TDRD3: variants seen among roughly 807,000 people sequenced by gnomAD.
TDRD3 encodes tudor domain-containing protein 3.
In TDRD3, 45 loss-of-function variants were observed where a neutral mutation model predicts 86.7. That is an observed-to-expected ratio of 0.52 (90% CI 0.41 to 0.67). TDRD3 has a LOEUF of 0.67. Ranked by LOEUF, TDRD3 falls within the 30% of genes least tolerant of loss-of-function variation. The pLI, the probability that TDRD3 is intolerant of heterozygous loss-of-function variation, is 0.00. For missense variants in TDRD3, 814 were observed against 889.0 expected (o/e 0.92, Z 1.07); for synonymous variants, 298 against 301.7 (o/e 0.99, Z 0.13).
At chr13:60,558,737 C>T (rs990390581) in intron 12 of TDRD3, among the ~76,000 whole-genome samples, 2 of 151,614 alleles carry the variant, frequency 1.3e-5, no homozygotes, top group Non-Finnish European at 2.9e-5. Flanking sequence ...AATTTCTTTC[C>T]TCCTTTTGTT....
At chr13:60,510,916 T>C (rs2137663880) in intron 10 of TDRD3, among the ~76,000 whole-genome samples, 161 bp downstream of exon 10, 1 of 152,192 alleles carries the variant, frequency 6.6e-6, no homozygotes, top group East Asian at 1.9e-4. Flanking sequence ...ATAAATTTAC[T>C]TAATCTGAAA....
intron 3 of TDRD3, among the ~76,000 whole-genome samples, chr13:60,446,159 C>T (rs1367876847): frequency 6.6e-6 from 1 of 152,036 alleles, no homozygotes; most frequent in Non-Finnish European, 1.5e-5. Flanking sequence ...TATATTTTTT[C>T]CTTTCATTAC....
chr13:60,427,017 A>G (rs1954830313), intron 1 of TDRD3, among the ~76,000 whole-genome samples: 1 of 152,006 alleles, frequency 6.6e-6, no homozygotes, highest in Non-Finnish European at 1.5e-5. Context: ...ATGTATTTAA[A>G]CATATTTGTA....
At position 60,494,422 on chromosome 13, in the gene TDRD3, C is replaced by T. The variant is rs763763257; in HGVS notation, c.718-13C>T. Reference sequence around the variant, plus strand: ...GTCTACATACCTCTCTTTTATCTTTCTCTTATGTAAAGACCAAGACATTTG... The same window carrying T: ...GTCTACATACCTCTCTTTTATCTTTTTCTTATGTAAAGACCAAGACATTTG... On this transcript the variant is annotated splice_polypyrimidine_tract_variant and intron_variant, in intron 7 of 13. Transcript: ENST00000377881. The T allele has an allele frequency of 1.2e-6, 2 of 1,602,074 alleles. No individual in the cohort carries two copies. The highest frequency in any genetic ancestry group is 1.7e-6 in the Non-Finnish European group (2 of 1,173,456).
At chr13:60,397,466 TG>T in intron 1 of TDRD3, 61 bp downstream of exon 1, 1 of 1,392,044 alleles carries the variant, frequency 7.2e-7, no homozygotes, top group Non-Finnish European at 9.4e-7. Context: ...CCAGGGAGGT[TG>T]GGTTGGGGGC....
intron 2 of TDRD3, among the ~76,000 whole-genome samples, chr13:60,442,330 G>A (rs1301231791): frequency 6.6e-6 from 1 of 151,782 alleles, no homozygotes; most frequent in Non-Finnish European, 1.5e-5. Context: ...GATTCACCAA[G>A]TAGATATTAT....
Position 60,534,988 on chromosome 13 carries a change from TAA to T in TDRD3, c.1993-119_1993-118del, listed in dbSNP as rs1409362034. ...ATGTGACTCAAAAGGGTTCCAAAGG[TAA>T]GTTTCCTTCTAAAGAATATTACACA... On this transcript the variant is annotated intron_variant, in intron 11 of 13. Transcript: ENST00000377881. 4 of 1,092,746 alleles carry T rather than the reference TAA, an allele frequency of 3.7e-6. No homozygotes were observed. The East Asian group carries it at 1.1e-4, about 31-fold the overall frequency. The allele number at this position is 1,092,746 out of a possible 1,614,324, so 67.7% of individuals were successfully genotyped here.
intron 7 of TDRD3, among the ~76,000 whole-genome samples, chr13:60,490,774 C>T (rs2137540871): frequency 6.6e-6 from 1 of 152,080 alleles, no homozygotes; most frequent in African/African-American, 2.4e-5. Flanking sequence ...TTGAAGGAGC[C>T]ATTAGGGTTA....
intron 1 of TDRD3, among the ~76,000 whole-genome samples, chr13:60,398,384 C>T (rs999924076): frequency 2.0e-5 from 3 of 152,160 alleles, no homozygotes; most frequent in African/African-American, 4.8e-5. Flanking sequence ...GGGAGAGTTA[C>T]TTTCCTAAAG....
chr13:60,454,976 C>T lies in TDRD3; in HGVS notation c.193-5404C>T, dbSNP rs567083828. Among the ~76,000 whole-genome samples the T allele has an allele frequency of 1.2e-3, 176 of 152,080 alleles. 3 individuals carry two copies. The highest frequency in any genetic ancestry group is 7.9e-3 in the South Asian group (38 of 4,812). On this transcript the variant is annotated intron_variant, in intron 3 of 13. Coordinates refer to ENST00000377881, the MANE Select transcript of TDRD3 (RefSeq NM_001146070.2). ...TTGCCCAGGCTGGAGTGCAGTGGCGCGATCTCGGCTCACTGCAACCTCTCC... is the reference window on the plus strand; with the variant it reads ...TTGCCCAGGCTGGAGTGCAGTGGCGTGATCTCGGCTCACTGCAACCTCTCC...
chr13:60,524,019 T>G (rs1009122801), intron 10 of TDRD3, among the ~76,000 whole-genome samples: 1 of 152,102 alleles, frequency 6.6e-6, no homozygotes, highest in Non-Finnish European at 1.5e-5. Context: ...CATTGTACTC[T>G]GCTGACTGTA....
At chr13:60,436,082 A>G (rs376721079) in intron 1 of TDRD3, among the ~76,000 whole-genome samples, 1 of 146,886 alleles carries the variant, frequency 6.8e-6, no homozygotes, top group African/African-American at 2.5e-5. Context: ...GTCTATTTCC[A>G]TCCTTTGCCC....
At chr13:60,513,150 C>T (rs1757339767) in intron 10 of TDRD3, among the ~76,000 whole-genome samples, 1 of 152,206 alleles carries the variant, frequency 6.6e-6, no homozygotes, top group Non-Finnish European at 1.5e-5. Flanking sequence ...TGGAAGCTGC[C>T]AAGGCTTGAG....
chr13:60,562,541 C>G (rs1367454078), intron 12 of TDRD3, among the ~76,000 whole-genome samples: 1 of 152,256 alleles, frequency 6.6e-6, no homozygotes, highest in Non-Finnish European at 1.5e-5. Flanking sequence ...TCCATACATA[C>G]AAGCTAAACA....
In TDRD3 at chr13:60,472,430, C is replaced by T. The variant is rs780207199; in HGVS notation, c.495+5051C>T. 3.9e-5 allele frequency among the ~76,000 whole-genome samples: 6 copies of T among 152,184 alleles called. No individual in the cohort carries two copies. The East Asian group carries it at 5.8e-4, about 15-fold the overall frequency. On this transcript the variant is annotated intron_variant, in intron 5 of 13. Transcript: ENST00000377881. ...TAATCAAAATGTAAATCAAATACAG[C>T]GAGATATACTACCCTACAGCCATTA...
At chr13:60,455,113 A>G (rs1459389996) in intron 3 of TDRD3, among the ~76,000 whole-genome samples, 1 of 152,072 alleles carries the variant, frequency 6.6e-6, no homozygotes, top group Admixed American at 6.6e-5. Context: ...GGGTTTCACC[A>G]TGTTGGTCAG....
intron 12 of TDRD3, chr13:60,536,718 C>T (rs974209922): frequency 6.6e-6 from 1 of 152,036 alleles, no homozygotes; most frequent in African/African-American, 2.4e-5. Flanking sequence ...TTTTATTCTT[C>T]TCTCCCTAAA....
intron 12 of TDRD3, among the ~76,000 whole-genome samples, chr13:60,565,041 CTTTTTTTTTTTTTTTTTT>C (rs869194148): frequency 1.1e-4 from 8 of 70,852 alleles, no homozygotes; most frequent in African/African-American, 2.5e-4. Context: ...CTATCAGTAT[CTTTTTTTTTTTTTTTTTT>C]TTTTTTTTTT....
In TDRD3 at chr13:60,563,223, A is replaced by C. The variant is rs971337154; in HGVS notation, c.2119-4302A>C. On this transcript the variant is annotated intron_variant, in intron 12 of 13. Transcript: ENST00000377881. ...AGCCTGGGTGACAGAGCAAGACTCC[A>C]TATCAATTTAAAAAAAAAAAAAAAG... is the stretch of plus-strand genomic sequence containing the variant. 2.9e-5 allele frequency among the ~76,000 whole-genome samples: 4 copies of C among 135,992 alleles called. No homozygotes were observed. The Admixed American group carries it at 3.0e-4, about 10-fold the overall frequency. 89.2% of individuals were successfully genotyped at this position (135,992 alleles called of 152,430 possible). A position where few individuals can be genotyped will look rare whatever the true frequency, so the allele number is the denominator to read the frequency against.
Sources: allele counts gnomAD v4.1 joint callset (sites outside exome capture counted in the v4.1 genomes callset), GRCh38; gene constraint gnomAD v4.1.1; transcripts MANE v1.5; gene names NCBI Gene and HGNC (gene_info 2026-07-23, HGNC 2026-07-21).